Variants in DYNC1I1 observed in about 807,000 individuals in gnomAD.
The protein encoded by DYNC1I1 is cytoplasmic dynein 1 intermediate chain 1.
Under a neutral mutation model 86.6 loss-of-function variants are expected in DYNC1I1, and 43 were observed. The ratio of observed to expected loss-of-function variants is 0.50; its 90% CI spans 0.39 to 0.64. DYNC1I1 has a LOEUF of 0.64. DYNC1I1 is among the 30% of genes least tolerant of loss of function. The pLI is 0.00. For synonymous variants in DYNC1I1, 262 were observed against 283.7 expected, an observed-to-expected ratio of 0.92 and a Z score of 0.77; for missense variants, 604 against 788.8, an observed-to-expected ratio of 0.77 and a Z score of 2.81.
At chr7:95,979,209 G>T (rs954404289) in intron 7 of DYNC1I1, among the ~76,000 whole-genome samples, 1 of 152,226 alleles carries the variant, frequency 6.6e-6, no homozygotes, top group Non-Finnish European at 1.5e-5. Context: ...GTATCTAAAG[G>T]CCAGTGCAAG....
intron 6 of DYNC1I1, among the ~76,000 whole-genome samples, chr7:95,933,938 A>T (rs1482214137): frequency 6.6e-6 from 1 of 152,124 alleles, no homozygotes; most frequent in African/African-American, 2.4e-5. Context: ...TCAGTCTGGG[A>T]TCACCCATTG....
chr7:95,871,440 G>T (rs1406103963), intron 6 of DYNC1I1, among the ~76,000 whole-genome samples: 1 of 152,176 alleles, frequency 6.6e-6, no homozygotes, highest in African/African-American at 2.4e-5. Context: ...CTCCAGACAA[G>T]AACAGGAAGA....
chr7:96,023,823 C>T (rs1794612334), intron 10 of DYNC1I1, among the ~76,000 whole-genome samples: 1 of 152,134 alleles, frequency 6.6e-6, no homozygotes, highest in Admixed American at 6.6e-5. Flanking sequence ...AAACTGTTTT[C>T]TCAGGAGCCT....
intron 6 of DYNC1I1, among the ~76,000 whole-genome samples, chr7:95,954,437 A>G (rs906252064): frequency 2.6e-5 from 4 of 151,896 alleles, no homozygotes; most frequent in African/African-American, 9.7e-5. Flanking sequence ...TTGACACAGA[A>G]AGTTCTCTTG....
At chr7:95,953,942 C>T (rs1792629256) in intron 6 of DYNC1I1, among the ~76,000 whole-genome samples, 1 of 152,056 alleles carries the variant, frequency 6.6e-6, no homozygotes, top group African/African-American at 2.4e-5. Context: ...ACCAGACGGC[C>T]CTGACTGTCT....
At chr7:95,777,040 C>CT (rs1793860176) in intron 1 of DYNC1I1, among the ~76,000 whole-genome samples, 1 of 152,146 alleles carries the variant, frequency 6.6e-6, no homozygotes, top group African/African-American at 2.4e-5. Context: ...CTCTTCCTAC[C>CT]ATAGCTCATA....
At chr7:96,011,927 G>C (rs1027632347) in intron 10 of DYNC1I1, among the ~76,000 whole-genome samples, 2 of 152,176 alleles carry the variant, frequency 1.3e-5, no homozygotes, top group African/African-American at 4.8e-5. Flanking sequence ...AAAACTGGTA[G>C]AAGTTTTCCC....
chr7:96,075,704 G>C (rs1417986777), intron 14 of DYNC1I1, among the ~76,000 whole-genome samples: 4 of 152,170 alleles, frequency 2.6e-5, no homozygotes, highest in Non-Finnish European at 5.9e-5. Flanking sequence ...GGCCGACCAC[G>C]GTTGGGTTTA....
intron 14 of DYNC1I1, among the ~76,000 whole-genome samples, chr7:96,062,953 T>C (rs1003550776): frequency 1.3e-5 from 2 of 152,056 alleles, no homozygotes; most frequent in Non-Finnish European, 2.9e-5. Flanking sequence ...GTTTGACCTG[T>C]TTGTATTAGC....
chr7:95,829,802 T>TA (rs34672688), intron 5 of DYNC1I1, among the ~76,000 whole-genome samples: 81,078 of 151,878 alleles, frequency 0.53, 22,289 homozygotes, highest in African/African-American at 0.68. Flanking sequence ...AGAGAGAAGA[T>TA]GGAGACTTTC....
At chr7:95,958,688 C>T (rs1404779235) in intron 6 of DYNC1I1, among the ~76,000 whole-genome samples, 3 of 152,180 alleles carry the variant, frequency 2.0e-5, no homozygotes, top group Admixed American at 1.3e-4. Flanking sequence ...TATCTCTAAA[C>T]ATGAATTTTC....
chr7:95,962,558 T>TG (rs1213036349), intron 6 of DYNC1I1, among the ~76,000 whole-genome samples: 2 of 147,950 alleles, frequency 1.4e-5, no homozygotes, highest in African/African-American at 5.1e-5. Context: ...ATTATCACAA[T>TG]TACCCTGCCT....
At position 96,024,954 on chromosome 7, in the gene DYNC1I1, C is replaced by T. The variant is rs1794641425; in HGVS notation, c.970-3221C>T. Among the ~76,000 whole-genome samples, 4 of 152,150 alleles carry T rather than the reference C, an allele frequency of 2.6e-5. No homozygotes were observed. The South Asian group carries it at 8.3e-4, about 31-fold the overall frequency. The stretch of plus-strand genomic sequence containing the variant: ...AGTAAAAGGTTTCTGAGACCTTTTA[C>T]TCTGAGGATTGTTGATGTAGACTTT... On this transcript the variant is annotated intron_variant, in intron 10 of 16. Coordinates refer to ENST00000447467, the MANE Select transcript of DYNC1I1 (RefSeq NM_001135556.2).
intron 6 of DYNC1I1, among the ~76,000 whole-genome samples, chr7:95,955,234 C>G (rs1186599060): frequency 6.6e-6 from 1 of 151,944 alleles, no homozygotes; most frequent in African/African-American, 2.4e-5. Flanking sequence ...TACCATGTTG[C>G]CCACGATAAA....
chr7:96,085,103 A>C (rs746264296), intron 16 of DYNC1I1, among the ~76,000 whole-genome samples: 6 of 152,162 alleles, frequency 3.9e-5, no homozygotes, highest in Non-Finnish European at 8.8e-5. Flanking sequence ...CTCTGGTGTT[A>C]CCAGTCACTG....
intron 14 of DYNC1I1, 49 bp downstream of exon 14, chr7:96,039,470 A>G: frequency 6.2e-7 from 1 of 1,609,956 alleles, no homozygotes. Context: ...AGGGCAGAGG[A>G]TGGTTTTTCA....
At chr7:95,932,012 C>A (rs1468808435) in intron 6 of DYNC1I1, among the ~76,000 whole-genome samples, 1 of 152,092 alleles carries the variant, frequency 6.6e-6, no homozygotes, top group African/African-American at 2.4e-5. Flanking sequence ...ATAATTGTGT[C>A]TATTTTTACA....
intron 5 of DYNC1I1, among the ~76,000 whole-genome samples, chr7:95,845,753 TGTTATAAATTG>T (rs1467405600): frequency 6.6e-6 from 1 of 152,174 alleles, no homozygotes; most frequent in Non-Finnish European, 1.5e-5. Context: ...CATGAAGAAC[TGTTATAAATTG>T]GTTTTAACAG....
chr7:95,980,683 C>A (rs1793436899), intron 7 of DYNC1I1, among the ~76,000 whole-genome samples: 1 of 151,446 alleles, frequency 6.6e-6, no homozygotes, highest in African/African-American at 2.4e-5. Flanking sequence ...GAAATGCAGT[C>A]TTGATTTATT....
Sources: gnomAD v4.1 joint callset for allele counts (sites outside exome capture counted in the v4.1 genomes callset) on GRCh38, gnomAD v4.1.1 for gene constraint, MANE v1.5 for transcripts, NCBI Gene and HGNC (gene_info 2026-07-23, HGNC 2026-07-21) for gene names.